KANK4: variants seen among roughly 807,000 people sequenced by gnomAD.
KANK4 encodes the protein KN motif and ankyrin repeat domains 4.
A neutral mutation model predicts 80.8 loss-of-function variants in KANK4; 50 were observed. The ratio of observed to expected loss-of-function variants is 0.62; its 90% CI spans 0.49 to 0.78. KANK4 has a LOEUF of 0.78. KANK4 is among the 30% of genes least tolerant of loss of function. The probability of loss-of-function intolerance (pLI) is 0.00; values close to 1 mark genes in which losing one functional copy is unlikely to be tolerated. For missense variants in KANK4, 1,196 were observed against 1,240.1 expected (o/e 0.96, Z 0.53); for synonymous variants, 465 against 506.9 (o/e 0.92, Z 1.11).
At chr1:62,294,292 A>T (rs188888521) in intron 1 of KANK4, among the ~76,000 whole-genome samples, 3 of 152,180 alleles carry the variant, frequency 2.0e-5, no homozygotes, top group Admixed American at 2.0e-4. Context: ...CACAATTTGG[A>T]GTAAATGTTT....
intron 1 of KANK4, among the ~76,000 whole-genome samples, chr1:62,288,376 C>T (rs1264191015): frequency 8.5e-5 from 13 of 152,222 alleles, no homozygotes; most frequent in Admixed American, 5.2e-4. Context: ...CTGAAGAATG[C>T]ACCTTTTATC....
At chr1:62,272,971 A>G (rs1672200951) in intron 3 of KANK4, among the ~76,000 whole-genome samples, 2 of 151,690 alleles carry the variant, frequency 1.3e-5, no homozygotes, top group African/African-American at 2.4e-5. Flanking sequence ...TTGTATTTTT[A>G]GTAGAGATGG....
At chr1:62,291,107 A>G (rs1672670065) in intron 1 of KANK4, among the ~76,000 whole-genome samples, 1 of 152,162 alleles carries the variant, frequency 6.6e-6, no homozygotes, top group Non-Finnish European at 1.5e-5. Context: ...GCTTTAAATT[A>G]TAGCCATCCT....
chr1:62,305,439 G>A (rs568833659), intron 1 of KANK4, among the ~76,000 whole-genome samples: 1 of 152,212 alleles, frequency 6.6e-6, no homozygotes, highest in East Asian at 1.9e-4. Context: ...CTCCCAAGTA[G>A]CTGGGATTAC....
At chr1:62,250,002 T>C (rs147580416) in intron 8 of KANK4, among the ~76,000 whole-genome samples, 1,671 of 151,996 alleles carry the variant, frequency 0.011, 30 homozygotes, top group African/African-American at 0.038. Flanking sequence ...TTTCTTTTTT[T>C]TGAGATGGAG....
intron 2 of KANK4, among the ~76,000 whole-genome samples, chr1:62,278,586 G>A (rs1672378359): frequency 6.6e-6 from 1 of 151,460 alleles, no homozygotes; most frequent in Middle Eastern, 3.4e-3. Flanking sequence ...GTAGAAAGGG[G>A]GTTTCACTAT....
chr1:62,284,690 T>C (rs1672523855), intron 1 of KANK4, among the ~76,000 whole-genome samples: 1 of 152,186 alleles, frequency 6.6e-6, no homozygotes, highest in Non-Finnish European at 1.5e-5. Flanking sequence ...CCTGGTGTTA[T>C]TACGTTACTT....
In KANK4 at chr1:62,279,194, G is replaced by GCTCACA. The variant is rs1472669654; in HGVS notation, c.16+2354_16+2355insTGTGAG. ...TTAATAGGTGCTTTCCTAAGCTAGC[G>GCTCACA]CGCGCACACACACACACACACACAC... On this transcript the variant is annotated intron_variant, in intron 2 of 9. Transcript: ENST00000371153. 3.9e-3 allele frequency among the ~76,000 whole-genome samples: 204 copies of GCTCACA among 51,792 alleles called. 3 individuals carry two copies. Among genetic ancestry groups the GCTCACA allele is most frequent in the African/African-American group, 0.014 (195 of 13,788 alleles). The allele number at this position is 51,792 out of a possible 152,430, so 34.0% of individuals were successfully genotyped here. A position where few individuals can be genotyped will look rare whatever the true frequency, so the allele number is the denominator to read the frequency against.
chr1:62,271,393 C>A, intron 4 of KANK4, 85 bp downstream of exon 4: 2 of 889,782 alleles, frequency 2.2e-6, no homozygotes, highest in South Asian at 1.3e-5. Context: ...AAACCAGATG[C>A]CTCCCCCTAG....
At chr1:62,279,512 C>T (rs1171726947) in intron 2 of KANK4, among the ~76,000 whole-genome samples, 2 of 152,210 alleles carry the variant, frequency 1.3e-5, no homozygotes, top group Non-Finnish European at 2.9e-5. Context: ...CAACACATGG[C>T]CAACCTGGCT....
chr1:62,254,605 G>A (rs1171811352), intron 7 of KANK4, among the ~76,000 whole-genome samples: 3 of 151,674 alleles, frequency 2.0e-5, no homozygotes, highest in Non-Finnish European at 2.9e-5. Flanking sequence ...CCAGGCTGGA[G>A]TACAGTTGCA....
At chr1:62,276,731 T>C (rs9804022) in intron 2 of KANK4, among the ~76,000 whole-genome samples, 58,207 of 146,884 alleles carry the variant, frequency 0.4, 12,152 homozygotes, top group African/African-American at 0.52. Context: ...GAGCCGAGAT[T>C]GCACCATTGT....
chr1:62,266,011 G>C (rs977293143), intron 6 of KANK4, among the ~76,000 whole-genome samples: 3 of 152,224 alleles, frequency 2.0e-5, no homozygotes, highest in Non-Finnish European at 2.9e-5. Flanking sequence ...ATATCTCACA[G>C]ATGAGGGTCC....
chr1:62,289,641 C>CA (rs1181615199), intron 1 of KANK4, among the ~76,000 whole-genome samples: 3 of 150,236 alleles, frequency 2.0e-5, no homozygotes, highest in Non-Finnish European at 4.5e-5. Flanking sequence ...CAGAAGAAGA[C>CA]AAAAAAAGGT....
chr1:62,263,168 A>T lies in KANK4; in HGVS notation c.2463T>A (p.Asp821Glu). The change falls in exon 7 of 10, where the codon GAT (aspartate) becomes GAA (glutamate). Residue 821 changes from aspartate to glutamate, a missense_variant. Around this residue, in one of 3 missense-constraint regions of KANK4, gnomAD observed 1,154 missense variants for 1,179.6 expected, o/e 0.98. Transcript: ENST00000371153. The part of the protein sequence containing the change: ...HFLKLLVNLA[D>E]HNGNTALHYS... Reference sequence around the variant, plus strand: ...AGTGAAGGGCCGTGTTCCCGTTGTGATCGGCCAAGTTGACAAGCAGTTTCA... The same window carrying T: ...AGTGAAGGGCCGTGTTCCCGTTGTGTTCGGCCAAGTTGACAAGCAGTTTCA... The T allele has an allele frequency of 2.5e-6, 4 of 1,614,022 alleles. No homozygotes were observed. The highest frequency in any genetic ancestry group is 3.4e-6 in the Non-Finnish European group (4 of 1,179,980).
chr1:62,283,108 TGC>T (rs1672486845), intron 1 of KANK4, among the ~76,000 whole-genome samples: 1 of 152,286 alleles, frequency 6.6e-6, no homozygotes, highest in East Asian at 1.9e-4. Flanking sequence ...ACCCCAGCTC[TGC>T]AGTCTGCAGC....
chr1:62,245,263 A>C (rs1423087663), intron 9 of KANK4, among the ~76,000 whole-genome samples: 1 of 152,226 alleles, frequency 6.6e-6, no homozygotes, highest in Non-Finnish European at 1.5e-5. Context: ...TCTGGTTTCC[A>C]GTAGCCCACC....
At chr1:62,279,877 C>G (rs938493268) in intron 2 of KANK4, among the ~76,000 whole-genome samples, 2 of 152,238 alleles carry the variant, frequency 1.3e-5, no homozygotes, top group East Asian at 3.9e-4. Flanking sequence ...TCAGAGCTAC[C>G]TGGAATTCCC....
At position 62,266,774 on chromosome 1, in the gene KANK4, G is replaced by A; in HGVS notation, c.2277C>T (p.Ser759=). 1 of 1,613,072 alleles carries A rather than the reference G, an allele frequency of 6.2e-7. No individual in the cohort carries two copies. The highest frequency in any genetic ancestry group is 8.5e-7 in the Non-Finnish European group (1 of 1,179,060). The change falls in exon 6 of 10, where the codon AGC becomes AGT. Residue 759 remains serine, a synonymous_variant. Coordinates refer to ENST00000371153, the MANE Select transcript of KANK4 (RefSeq NM_181712.5). ...EEFLNACRAL[S]QHLPETGTTT... ...TGGTCCCAGTTTCTGGCAGATGCTGGCTCAGTGCCCGGCATGCATTAAGAA... is the reference window on the plus strand; with the variant it reads ...TGGTCCCAGTTTCTGGCAGATGCTGACTCAGTGCCCGGCATGCATTAAGAA...
Sources: allele counts gnomAD v4.1 joint callset (sites outside exome capture counted in the v4.1 genomes callset), GRCh38; gene constraint gnomAD v4.1.1; regional missense constraint gnomAD v4.1.1; transcripts MANE v1.5; gene names NCBI Gene and HGNC (gene_info 2026-07-23, HGNC 2026-07-21).